Variants in ADK observed in about 807,000 individuals in gnomAD.
ADK encodes N6,N6-dimethyladenosine kinase.
Under a neutral mutation model 44.7 loss-of-function variants are expected in ADK, and 24 were observed. That is an observed-to-expected ratio of 0.54 (90% CI 0.39 to 0.76). The LOEUF is 0.76. Among genes scored for constraint, ADK ranks in the 30% least tolerant of loss-of-function variants. The probability of loss-of-function intolerance (pLI) is 0.00; values close to 1 mark genes in which losing one functional copy is unlikely to be tolerated. For missense variants in ADK, 321 were observed against 425.1 expected, an observed-to-expected ratio of 0.76 and a Z score of 2.15; for synonymous variants, 128 against 142.6, an observed-to-expected ratio of 0.90 and a Z score of 0.73.
chr10:74,631,676 A>C (rs903153483), intron 9 of ADK, among the ~76,000 whole-genome samples: 1 of 152,184 alleles, frequency 6.6e-6, no homozygotes. Flanking sequence ...AGCCTGAACC[A>C]TCAAGACCAG....
At chr10:74,475,547 TA>T (rs5786147) in intron 6 of ADK, among the ~76,000 whole-genome samples, 101,510 of 150,108 alleles carry the variant, frequency 0.68, 35,158 homozygotes, top group Middle Eastern at 0.84. Flanking sequence ...CCCCATCTCT[TA>T]AAAAAAAAAA....
intron 9 of ADK, among the ~76,000 whole-genome samples, chr10:74,605,686 G>A (rs1219298085): frequency 6.6e-6 from 1 of 152,172 alleles, no homozygotes; most frequent in East Asian, 1.9e-4. Context: ...GTTCATCAGG[G>A]ATATTGGCCT....
At chr10:74,486,081 CCCACGTGTCAAAGGAGAGA>C (rs1366422609) in intron 6 of ADK, among the ~76,000 whole-genome samples, 1 of 152,018 alleles carries the variant, frequency 6.6e-6, no homozygotes, top group East Asian at 1.9e-4. Context: ...CCCTATAATC[CCCACGTGTCAAAGGAGAGA>C]CCTGGTGGGA....
At chr10:74,576,459 G>C (rs188558850) in intron 7 of ADK, among the ~76,000 whole-genome samples, 85 of 152,070 alleles carry the variant, frequency 5.6e-4, no homozygotes, top group Non-Finnish European at 1.1e-3. Flanking sequence ...ATCTCTGAAA[G>C]AATAAAAGGG....
intron 7 of ADK, among the ~76,000 whole-genome samples, chr10:74,564,199 A>C (rs1850562957): frequency 1.3e-5 from 2 of 152,264 alleles, no homozygotes; most frequent in South Asian, 4.1e-4. Context: ...TTGGCTTCTA[A>C]GAGTTCTTTG....
intron 7 of ADK, among the ~76,000 whole-genome samples, chr10:74,525,917 A>G (rs1274206856): frequency 6.6e-6 from 1 of 152,140 alleles, no homozygotes; most frequent in Non-Finnish European, 1.5e-5. Context: ...AGCCTCCCAA[A>G]GTGCTAGGAT....
intron 8 of ADK, among the ~76,000 whole-genome samples, chr10:74,591,300 GATA>G (rs1339539626): frequency 1.3e-5 from 2 of 152,130 alleles, no homozygotes; most frequent in African/African-American, 2.4e-5. Context: ...TAAGCAAAAT[GATA>G]ATGATTATAA....
intron 4 of ADK, among the ~76,000 whole-genome samples, chr10:74,363,535 G>C (rs1382374368): frequency 2.4e-4 from 36 of 151,804 alleles, no homozygotes; most frequent in Non-Finnish European, 1.5e-4. Flanking sequence ...GCAGGAGGAG[G>C]GTCTGGATCT....
chr10:74,669,274 G>A (rs935636167), intron 9 of ADK, among the ~76,000 whole-genome samples: 2 of 152,084 alleles, frequency 1.3e-5, no homozygotes, highest in East Asian at 1.9e-4. Context: ...GATCTTAAAC[G>A]AGACTGAAGT....
intron 6 of ADK, among the ~76,000 whole-genome samples, chr10:74,458,299 GT>G (rs376118678): frequency 4.4e-4 from 35 of 79,052 alleles, no homozygotes; most frequent in African/African-American, 6.3e-4. Context: ...CCCAGGTTTT[GT>G]TTTTTTTTTT....
At chr10:74,182,720 A>AG (rs1842606861) in intron 1 of ADK, among the ~76,000 whole-genome samples, 1 of 152,134 alleles carries the variant, frequency 6.6e-6, no homozygotes, top group African/African-American at 2.4e-5. Flanking sequence ...TGAATAGGTC[A>AG]CCTTTGTTTG....
intron 7 of ADK, among the ~76,000 whole-genome samples, chr10:74,584,784 G>A (rs1379567971): frequency 6.6e-6 from 1 of 152,166 alleles, no homozygotes; most frequent in Non-Finnish European, 1.5e-5. Context: ...AGATGAAGAA[G>A]CAAAGTAAGA....
chr10:74,618,060 T>C (rs1175269435), intron 9 of ADK, among the ~76,000 whole-genome samples: 2 of 151,596 alleles, frequency 1.3e-5, no homozygotes, highest in Non-Finnish European at 2.9e-5. Context: ...GTTTACATGA[T>C]ATCTTTTTTC....
At chr10:74,627,209 C>CT (rs1853239346) in intron 9 of ADK, among the ~76,000 whole-genome samples, 1 of 152,124 alleles carries the variant, frequency 6.6e-6, no homozygotes, top group Admixed American at 6.6e-5. Context: ...GCTTTCTTGG[C>CT]TCTTGCCTGT....
At position 74,394,117 on chromosome 10, in the gene ADK, ATTAT is replaced by A; in HGVS notation, c.274-19_274-16del. 3 of 1,613,624 alleles carry A rather than the reference ATTAT, an allele frequency of 1.9e-6. No homozygotes were observed. The highest frequency in any genetic ancestry group is 1.7e-6 in the Non-Finnish European group (2 of 1,179,624). On this transcript the variant is annotated intron_variant, in intron 4 of 10. Transcript: ENST00000539909. Reference sequence around the variant, plus strand: ...GTGTACCATTTTTTTGCCCCATTAAATTATTTATGTTCCTGTTTTACAGTGGATG... The same window carrying A: ...GTGTACCATTTTTTTGCCCCATTAAATTATGTTCCTGTTTTACAGTGGATG...
At chr10:74,526,174 C>G (rs1181553542) in intron 7 of ADK, among the ~76,000 whole-genome samples, 1 of 151,826 alleles carries the variant, frequency 6.6e-6, no homozygotes, top group Non-Finnish European at 1.5e-5. Context: ...TGATATATTA[C>G]ATTTATATTT....
At chr10:74,657,132 C>T (rs536214410) in intron 9 of ADK, among the ~76,000 whole-genome samples, 1 of 152,148 alleles carries the variant, frequency 6.6e-6, no homozygotes, top group Non-Finnish European at 1.5e-5. Flanking sequence ...GAGCTCCTGG[C>T]CTCGAGTGTT....
intron 6 of ADK, among the ~76,000 whole-genome samples, chr10:74,501,378 T>C (rs1847879605): frequency 6.6e-6 from 1 of 152,222 alleles, no homozygotes; most frequent in African/African-American, 2.4e-5. Context: ...ATATAAAATT[T>C]CGTGTTTATA....
intron 9 of ADK, among the ~76,000 whole-genome samples, chr10:74,622,896 A>C (rs1853046918): frequency 6.6e-6 from 1 of 152,098 alleles, no homozygotes; most frequent in African/African-American, 2.4e-5. Flanking sequence ...AATCCCAGCT[A>C]CTCGGGAGGC....
Sources: gnomAD v4.1 joint callset for allele counts (sites outside exome capture counted in the v4.1 genomes callset) on GRCh38, gnomAD v4.1.1 for gene constraint, MANE v1.5 for transcripts, NCBI Gene and HGNC (gene_info 2026-07-23, HGNC 2026-07-21) for gene names.